The following SPTBN1 variants were observed in gnomAD, a reference collection of about 807,000 sequenced individuals.
SPTBN1 encodes spectrin beta chain, non-erythrocytic 1.
Under a neutral mutation model 266.4 loss-of-function variants are expected in SPTBN1, and 32 were observed. The ratio of observed to expected loss-of-function variants is 0.12; its 90% CI spans 0.09 to 0.16. The LOEUF (loss-of-function observed/expected upper bound fraction) is 0.16, where lower values mean the gene tolerates loss of function less well. Ranked by LOEUF, SPTBN1 falls within the 10% of genes least tolerant of loss-of-function variation. The probability of loss-of-function intolerance (pLI) is 1.00; values close to 1 mark genes in which losing one functional copy is unlikely to be tolerated. For missense variants in SPTBN1, 2,296 were observed against 3,067.1 expected (o/e 0.75, Z 5.94); for synonymous variants, 1,336 against 1,162.2 (o/e 1.15, Z -3.04).
intron 2 of SPTBN1, among the ~76,000 whole-genome samples, chr2:54,571,576 TACACACACACACACACACACACAC>T (rs67239523): frequency 2.4e-4 from 24 of 100,742 alleles, no homozygotes; most frequent in African/African-American, 1.4e-3. Context: ...CACACACACA[TACACACACACACACACACACACAC>T]ATATCTATAA....
At chr2:54,611,215 T>A (rs894396377) in intron 3 of SPTBN1, among the ~76,000 whole-genome samples, 1 of 152,242 alleles carries the variant, frequency 6.6e-6, no homozygotes, top group South Asian at 2.1e-4. Context: ...ATTTTTCTGG[T>A]ATTTCTAGGC....
At chr2:54,667,132 C>T (rs1212576876) in intron 34 of SPTBN1, among the ~76,000 whole-genome samples, 7 of 152,168 alleles carry the variant, frequency 4.6e-5, no homozygotes, top group African/African-American at 1.4e-4. Context: ...CTTCTTAATT[C>T]TGAGACATAC....
Position 54,471,800 on chromosome 2 carries a change from A to ATTTTTTATTT in SPTBN1, c.-48+15288_-48+15289insATTTTTTTTT, listed in dbSNP as rs1553428677. The stretch of plus-strand genomic sequence containing the variant: ...AGAGGTGCTTTCCTCTTTTTTATCG[A>ATTTTTTATTT]TTTTTTTTTTTTTTTTTTTGCTGTT... On this transcript the variant is annotated intron_variant, in intron 1 of 35. Coordinates refer to ENST00000356805, the MANE Select transcript of SPTBN1 (RefSeq NM_003128.3). Among the ~76,000 whole-genome samples, 6 of 102,718 alleles carry ATTTTTTATTT rather than the reference A, an allele frequency of 5.8e-5. 1 individual carries two copies. The highest frequency in any genetic ancestry group is 1.1e-4 in the Non-Finnish European group (6 of 52,820). 67.4% of individuals were successfully genotyped at this position (102,718 alleles called of 152,430 possible). A position where few individuals can be genotyped will look rare whatever the true frequency, so the allele number is the denominator to read the frequency against.
Position 54,646,034 on chromosome 2 carries a change from G to C in SPTBN1, c.4584+17G>C. 3 of 1,614,146 alleles carry C rather than the reference G, an allele frequency of 1.9e-6. No homozygotes were observed. Among genetic ancestry groups the C allele is most frequent in the South Asian group, 1.1e-5 (1 of 91,068 alleles). ...AAAAATCAGGTAAGCCTTTCTGCTC[G>C]AGCTAGTTCTGTCTGATAAATAATT... On this transcript the variant is annotated intron_variant, in intron 22 of 35. Transcript: ENST00000356805. The surrounding 1 kb of genome is among the most constrained non-coding windows in gnomAD (Gnocchi z 4.4).
At chr2:54,661,907 A>G (rs1172901341) in intron 32 of SPTBN1, 61 of 985,264 alleles carry the variant, frequency 6.2e-5, no homozygotes, top group Non-Finnish European at 7.0e-5. Context: ...AGATTTTTAA[A>G]TGTAGCTTGT....
chr2:54,632,707 G>C lies in SPTBN1; in HGVS notation c.3706G>C (p.Val1236Leu). 6.2e-7 allele frequency: 1 copy of C among 1,614,224 alleles called. No homozygotes were observed. The highest frequency in any genetic ancestry group is 8.5e-7 in the Non-Finnish European group (1 of 1,180,040). The change falls in exon 17 of 36, where the codon GTG (valine) becomes CTG (leucine). Residue 1236 changes from valine to leucine, a missense_variant. Coordinates refer to ENST00000356805, the MANE Select transcript of SPTBN1 (RefSeq NM_003128.3). ...TGTGGTGGAGACTGGCCGGAGGCTGGTGAGCGATGGGAACATCAACTCAGA... is the reference window on the plus strand; with the variant it reads ...TGTGGTGGAGACTGGCCGGAGGCTGCTGAGCGATGGGAACATCAACTCAGA... ...NAVVETGRRL[V>L]SDGNINSDRI... is the part of the protein sequence containing the mutation.
At chr2:54,588,599 A>G (rs1213798442) in intron 2 of SPTBN1, among the ~76,000 whole-genome samples, 1 of 152,206 alleles carries the variant, frequency 6.6e-6, no homozygotes, top group Non-Finnish European at 1.5e-5. Context: ...TAGAAATCAC[A>G]GGCTGTAATG....
Position 54,659,191 on chromosome 2 carries a change from A to C in SPTBN1, c.6281A>C (p.Glu2094Ala). 6.2e-7 allele frequency: 1 copy of C among 1,614,128 alleles called. No individual in the cohort carries two copies. The highest frequency in any genetic ancestry group is 1.1e-5 in the South Asian group (1 of 91,082). The change falls in exon 31 of 36, where the codon GAG becomes GCG. Residue 2094 changes from glutamate to alanine, a missense_variant. Physicochemically the swap from Glu to Ala is moderately radical, Grantham distance 107. Coordinates refer to ENST00000356805, the MANE Select transcript of SPTBN1 (RefSeq NM_003128.3). ...GAAGTGCGCAGACAGCAAGAGGAAG[A>C]GGAGAGGAAGAGGCGGCCGCCTTCT... Reference protein sequence around the residue: ...LLEVRRQQEEEERKRRPPSPE... With the variant: ...LLEVRRQQEEAERKRRPPSPE...
At chr2:54,522,709 AAGG>A (rs1396086471) in intron 1 of SPTBN1, among the ~76,000 whole-genome samples, 1 of 110,508 alleles carries the variant, frequency 9.0e-6, no homozygotes, top group Non-Finnish European at 1.8e-5. Flanking sequence ...GAAAGAAAGA[AAGG>A]AAAGAAAGAA....
At chr2:54,463,430 A>G (rs1693468527) in intron 1 of SPTBN1, among the ~76,000 whole-genome samples, 2 of 152,228 alleles carry the variant, frequency 1.3e-5, no homozygotes, top group South Asian at 2.1e-4. Flanking sequence ...GAGAGAGGTC[A>G]TGGCTAGAGA....
intron 9 of SPTBN1, 142 bp downstream of exon 9, chr2:54,622,629 C>CTT: frequency 1.0e-6 from 1 of 955,166 alleles, no homozygotes; most frequent in South Asian, 1.8e-5. Context: ...TCATCTGACT[C>CTT]TGTTTTGCTG....
chr2:54,487,830 G>GTTTTTTTTTTTTTTTTTTTTTTTT (rs1558770807), intron 1 of SPTBN1, among the ~76,000 whole-genome samples: 2 of 5,944 alleles, frequency 3.4e-4, no homozygotes, highest in African/African-American at 7.3e-4. Flanking sequence ...CTCCTCCTGT[G>GTTTTTTTTTTTTTTTTTTTTTTTT]TCTTTTTTTT....
Position 54,589,327 on chromosome 2 carries a change from T to A in SPTBN1, c.149-9765T>A, listed in dbSNP as rs111493052. Among the ~76,000 whole-genome samples the A allele has an allele frequency of 1.3e-3, 193 of 152,288 alleles. 2 individuals are homozygous for A. Among genetic ancestry groups the A allele is most frequent in the African/African-American group, 4.0e-3 (168 of 41,558 alleles). On this transcript the variant is annotated intron_variant, in intron 2 of 35. Coordinates refer to ENST00000356805, the MANE Select transcript of SPTBN1 (RefSeq NM_003128.3). ...AGGACCCTGGTGACAGAGCCTCATT[T>A]CTCAGTTATTGTGGGTCTCCTCTCA...
At chr2:54,642,900 T>C (rs866684132) in intron 18 of SPTBN1, 83 bp from the exon 19 acceptor site, 2 of 1,514,380 alleles carry the variant, frequency 1.3e-6, no homozygotes, top group Admixed American at 4.0e-5. Flanking sequence ...ATGCATAATA[T>C]GACATAAACA....
At chr2:54,530,300 C>T (rs1033186913) in intron 2 of SPTBN1, among the ~76,000 whole-genome samples, 1 of 149,896 alleles carries the variant, frequency 6.7e-6, no homozygotes, top group Non-Finnish European at 1.5e-5. Flanking sequence ...TACTAATTCT[C>T]ACCCAGTTGA....
intron 1 of SPTBN1, among the ~76,000 whole-genome samples, chr2:54,457,063 C>A (rs1693079738): frequency 6.6e-6 from 1 of 151,590 alleles, no homozygotes; most frequent in Non-Finnish European, 1.5e-5. Flanking sequence ...AGGCGTGGTC[C>A]CGGCTGCGCC....
chr2:54,522,917 G>T (rs1412493664), intron 1 of SPTBN1, among the ~76,000 whole-genome samples: 2 of 152,016 alleles, frequency 1.3e-5, no homozygotes, highest in Non-Finnish European at 2.9e-5. Context: ...AAACTTATCT[G>T]GGGAGAGGCA....
chr2:54,641,209 G>T (rs1446603144), intron 18 of SPTBN1, among the ~76,000 whole-genome samples: 1 of 152,170 alleles, frequency 6.6e-6, no homozygotes, highest in Non-Finnish European at 1.5e-5. Flanking sequence ...ATTTCATTGT[G>T]CTGTATCGCA....
chr2:54,620,478 G>C (rs1180576497), intron 7 of SPTBN1, among the ~76,000 whole-genome samples: 1 of 140,812 alleles, frequency 7.1e-6, no homozygotes, highest in Non-Finnish European at 1.5e-5. Flanking sequence ...GAATGGTGAG[G>C]TCAAGTTTGA....
Sources: allele counts gnomAD v4.1 joint callset (sites outside exome capture counted in the v4.1 genomes callset), GRCh38; gene constraint gnomAD v4.1.1; non-coding constraint Gnocchi (gnomAD v3.1); transcripts MANE v1.5; gene names NCBI Gene and HGNC (gene_info 2026-07-23, HGNC 2026-07-21).